Variants in MARCHF3 observed in about 807,000 individuals in gnomAD.
The protein encoded by MARCHF3 is E3 ubiquitin-protein ligase MARCHF3.
MARCHF3 carries 13 observed loss-of-function variants against 24.2 expected under a neutral mutation model. The observed-to-expected ratio is 0.54, with a 90% CI of 0.35 to 0.85. The LOEUF (loss-of-function observed/expected upper bound fraction) is 0.85, where lower values mean the gene tolerates loss of function less well. MARCHF3 is among the 40% of genes least tolerant of loss of function. The pLI is 0.01. For synonymous variants in MARCHF3, 144 were observed against 137.3 expected, an observed-to-expected ratio of 1.05 and a Z score of -0.34; for missense variants, 276 against 325.0, an observed-to-expected ratio of 0.85 and a Z score of 1.16.
chr5:126,973,584 G>T (rs191341892), intron 1 of MARCHF3, among the ~76,000 whole-genome samples: 53 of 152,310 alleles, frequency 3.5e-4, no homozygotes, highest in African/African-American at 1.1e-3. Context: ...GTGGCAGAGA[G>T]AATTTGGGGG....
At chr5:126,984,332 G>T (rs1402181836) in intron 1 of MARCHF3, among the ~76,000 whole-genome samples, 1 of 152,158 alleles carries the variant, frequency 6.6e-6, no homozygotes, top group Non-Finnish European at 1.5e-5. Context: ...AGCAGGACAG[G>T]CACCCCTTCT....
At chr5:126,949,376 GA>G (rs1750137585) in intron 1 of MARCHF3, among the ~76,000 whole-genome samples, 7 of 152,308 alleles carry the variant, frequency 4.6e-5, no homozygotes, top group Admixed American at 4.6e-4. Flanking sequence ...TAGCGGTTCT[GA>G]TGAAACAGAA....
At chr5:126,892,197 A>G (rs1190309269) in intron 3 of MARCHF3, among the ~76,000 whole-genome samples, 13 of 139,812 alleles carry the variant, frequency 9.3e-5, no homozygotes, top group African/African-American at 3.4e-4. Flanking sequence ...GGCTGAGGCA[A>G]TGGGGTTTTC....
intron 1 of MARCHF3, among the ~76,000 whole-genome samples, chr5:126,974,799 T>C (rs1751141159): frequency 6.6e-6 from 1 of 152,250 alleles, no homozygotes; most frequent in Non-Finnish European, 1.5e-5. Flanking sequence ...ACATGTTCAG[T>C]CATGCTTTGA....
chr5:126,953,882 A>G (rs532442415), intron 1 of MARCHF3, among the ~76,000 whole-genome samples: 1 of 152,226 alleles, frequency 6.6e-6, no homozygotes, highest in African/African-American at 2.4e-5. Context: ...CTTCTCTTGT[A>G]TATTCTACCT....
At chr5:126,896,593 T>C (rs1488126032) in intron 3 of MARCHF3, among the ~76,000 whole-genome samples, 5 of 152,112 alleles carry the variant, frequency 3.3e-5, no homozygotes, top group African/African-American at 1.2e-4. Flanking sequence ...GCCCAGTCTC[T>C]GTCTATATGT....
chr5:126,953,227 C>T (rs1750315814), intron 1 of MARCHF3, among the ~76,000 whole-genome samples: 1 of 151,998 alleles, frequency 6.6e-6, no homozygotes, highest in South Asian at 2.1e-4. Context: ...TTTCATTGAA[C>T]TGTTTAATCA....
intron 1 of MARCHF3, among the ~76,000 whole-genome samples, chr5:126,936,063 A>G (rs1304486776): frequency 2.0e-5 from 3 of 152,162 alleles, no homozygotes; most frequent in Non-Finnish European, 4.4e-5. Context: ...AATCCCTGCT[A>G]CACACCGAAA....
intron 1 of MARCHF3, among the ~76,000 whole-genome samples, chr5:127,022,524 C>T (rs1404682720): frequency 6.6e-6 from 1 of 152,154 alleles, no homozygotes; most frequent in Non-Finnish European, 1.5e-5. Flanking sequence ...ATAGTTAGGA[C>T]ACTGAAAAGA....
rs556395033 is a variant in MARCHF3, at chr5:126,926,729, T to C, written c.-56-8502A>G. On this transcript the variant is annotated intron_variant, in intron 1 of 4. Coordinates refer to ENST00000308660, the MANE Select transcript of MARCHF3 (RefSeq NM_178450.5). The stretch of plus-strand genomic sequence containing the variant: ...TCCTGGCTTTGAACCACCACCCAGC[T>C]GCTTATCAACAGGAGAGTTACTTGA... 2.7e-4 allele frequency among the ~76,000 whole-genome samples: 41 copies of C among 152,176 alleles called. 1 individual carries two copies. The highest frequency in any genetic ancestry group is 2.1e-3 in the South Asian group (10 of 4,816).
intron 1 of MARCHF3, among the ~76,000 whole-genome samples, chr5:126,947,608 T>C (rs1405818982): frequency 6.6e-6 from 1 of 152,146 alleles, no homozygotes; most frequent in Non-Finnish European, 1.5e-5. Flanking sequence ...ATGGTGATAA[T>C]GGCAAAGGCC....
At chr5:126,986,745 C>T (rs1440235077) in intron 1 of MARCHF3, among the ~76,000 whole-genome samples, 1 of 152,168 alleles carries the variant, frequency 6.6e-6, no homozygotes, top group African/African-American at 2.4e-5. Flanking sequence ...CCTTCGTTGA[C>T]ATGCCAGTGT....
At chr5:126,963,597 T>C (rs182988797) in intron 1 of MARCHF3, among the ~76,000 whole-genome samples, 7 of 152,270 alleles carry the variant, frequency 4.6e-5, no homozygotes, top group Admixed American at 4.6e-4. Context: ...TAAGACAAGA[T>C]TAATTGGATC....
intron 1 of MARCHF3, among the ~76,000 whole-genome samples, chr5:126,949,824 C>A (rs551828525): frequency 6.6e-6 from 1 of 152,254 alleles, no homozygotes; most frequent in East Asian, 1.9e-4. Flanking sequence ...TTCCTGGGAA[C>A]TCAGGGAAAA....
intron 1 of MARCHF3, among the ~76,000 whole-genome samples, chr5:127,015,248 A>C (rs940045381): frequency 7.9e-5 from 12 of 152,228 alleles, no homozygotes; most frequent in Admixed American, 7.9e-4. Flanking sequence ...TTACTCTAAC[A>C]AGTTTTTCTG....
chr5:126,912,194 G>A (rs1157919294), intron 3 of MARCHF3, among the ~76,000 whole-genome samples: 1 of 152,230 alleles, frequency 6.6e-6, no homozygotes, highest in Admixed American at 6.5e-5. Context: ...ACTGTGGGCT[G>A]CAGAGATAAG....
intron 1 of MARCHF3, among the ~76,000 whole-genome samples, chr5:126,941,376 T>C (rs1749823389): frequency 1.3e-5 from 2 of 152,188 alleles, no homozygotes; most frequent in Admixed American, 6.5e-5. Flanking sequence ...AAGCCTATTT[T>C]TTAAAAGTTA....
intron 1 of MARCHF3, among the ~76,000 whole-genome samples, chr5:126,976,775 G>A (rs527577080): frequency 6.6e-5 from 10 of 152,142 alleles, no homozygotes; most frequent in Admixed American, 4.6e-4. Flanking sequence ...GGGAATCCTC[G>A]CCCCGATCCT....
chr5:126,878,131 C>A, intron 4 of MARCHF3, 54 bp downstream of exon 4: 1 of 1,566,418 alleles, frequency 6.4e-7, no homozygotes, highest in Non-Finnish European at 8.8e-7. Flanking sequence ...CTTGTGCCAG[C>A]TGTGAGGCTG....
Sources: gnomAD v4.1 joint callset for allele counts (sites outside exome capture counted in the v4.1 genomes callset) on GRCh38, gnomAD v4.1.1 for gene constraint, MANE v1.5 for transcripts, NCBI Gene and HGNC (gene_info 2026-07-23, HGNC 2026-07-21) for gene names.